GOLGA3: variants seen among roughly 807,000 people sequenced by gnomAD.
The protein encoded by GOLGA3 is golgin subfamily A member 3.
Under a neutral mutation model 169.4 loss-of-function variants are expected in GOLGA3, and 75 were observed. The ratio of observed to expected loss-of-function variants is 0.44; its 90% CI spans 0.37 to 0.54. The LOEUF (loss-of-function observed/expected upper bound fraction) is 0.54, where lower values mean the gene tolerates loss of function less well. Among genes scored for constraint, GOLGA3 ranks in the 20% least tolerant of loss-of-function variants. The pLI is 0.00. For synonymous variants in GOLGA3, 824 were observed against 822.4 expected (o/e 1.00, Z -0.03); for missense variants, 1,899 against 1,930.0 (o/e 0.98, Z 0.30).
Position 132,816,776 on chromosome 12 carries a change from C to G in GOLGA3, c.170G>C (p.Ser57Thr). ...GCCTCCCTGGCCAGGTCCATCCGGG[C>G]TTTCCCCTTCCGTGGATGCTCTGTT... Reference protein sequence around the residue: ...EVNRASTEGESPDGPGQGGLC... With the variant: ...EVNRASTEGETPDGPGQGGLC... Residue 57 changes from serine to threonine, a missense_variant, in exon 3 of 24, where the codon AGC becomes ACC. Transcript: ENST00000450791. 6.2e-7 allele frequency: 1 copy of G among 1,607,622 alleles called. No individual in the cohort carries two copies.
chr12:132,822,568 G>A (rs959865742), intron 1 of GOLGA3, among the ~76,000 whole-genome samples: 5 of 152,318 alleles, frequency 3.3e-5, no homozygotes, highest in Middle Eastern at 3.4e-3. Context: ...CTGGGACAGC[G>A]CAGCTCTGAA....
At chr12:132,813,914 C>T (rs1389277595) in intron 3 of GOLGA3, among the ~76,000 whole-genome samples, 1 of 151,542 alleles carries the variant, frequency 6.6e-6, no homozygotes, top group East Asian at 1.9e-4. Flanking sequence ...TTAGTAGAGA[C>T]GGGGTTTCAC....
chr12:132,777,115 G>C lies in GOLGA3; in HGVS notation c.3723-25C>G. ...CCTAGCGTAAAAAAACAAGAAAGAAGGGAATCGCCACGCTCCTCCAGTGTG... is the reference window on the plus strand; with the variant it reads ...CCTAGCGTAAAAAAACAAGAAAGAACGGAATCGCCACGCTCCTCCAGTGTG... On this transcript the variant is annotated intron_variant, in intron 19 of 23. Transcript: ENST00000450791. The surrounding 1 kb of genome is among the most constrained non-coding windows in gnomAD (Gnocchi z 4.7). 6.4e-7 allele frequency: 1 copy of C among 1,561,892 alleles called. No individual in the cohort carries two copies.
Position 132,773,227 on chromosome 12 carries a change from A to T in GOLGA3, c.4375T>A (p.Ser1459Thr). Reference protein sequence around the residue: ...HALTVHESLSSWTPLEPATAS... With the variant: ...HALTVHESLSTWTPLEPATAS... ...GTGGCTGGCTCCAGCGGCGTCCACG[A>T]GGACAGAGACTCGTGCACCGTCAGG... The change falls in exon 24 of 24, where the codon TCG becomes ACG. Residue 1459 changes from serine to threonine, a missense_variant. Physicochemically the swap from Ser to Thr is moderately conservative, Grantham distance 58 (BLOSUM62 1). Coordinates refer to ENST00000450791, the MANE Select transcript of GOLGA3 (RefSeq NM_001389683.1). 6.4e-7 allele frequency: 1 copy of T among 1,568,414 alleles called. No individual in the cohort carries two copies. The highest frequency in any genetic ancestry group is 8.7e-7 in the Non-Finnish European group (1 of 1,153,686).
intron 17 of GOLGA3, among the ~76,000 whole-genome samples, chr12:132,781,237 A>C: frequency 6.6e-6 from 1 of 150,484 alleles, no homozygotes. Flanking sequence ...ACTGCCCTCC[A>C]CTCCGGGCAA....
rs771527252 is a variant in GOLGA3 at position 132,796,061 on chromosome 12, G to C, written c.2260C>G (p.Leu754Val). The C allele has an allele frequency of 2.5e-6, 4 of 1,612,674 alleles. No homozygotes were observed. The highest frequency in any genetic ancestry group is 3.4e-6 in the Non-Finnish European group (4 of 1,179,954). Residue 754 changes from leucine (L) to valine (V), a missense_variant, in exon 11 of 24, where the codon CTG (leucine) becomes GTG (valine). By Grantham distance (32) the Leu-to-Val change is conservative. Transcript: ENST00000450791. ...QTHYDELQAR[L>V]GELQGEAASR... ...GCGGCCTCGCCCTGCAGCTCCCCCA[G>C]CCTGGCCTGCAGCTCATCGTAGTGT...
Position 132,791,154 on chromosome 12 carries a change from A to C in GOLGA3, c.2547+62T>G, listed in dbSNP as rs2046211246. 22 of 858,092 alleles carry C rather than the reference A, an allele frequency of 2.6e-5. 1 individual carries two copies. In the Admixed American group the frequency reaches 3.9e-4, roughly 15 times the overall value. 53.2% of individuals were successfully genotyped at this position (858,092 alleles called of 1,614,324 possible). A position where few individuals can be genotyped will look rare whatever the true frequency, so the allele number is the denominator to read the frequency against. On this transcript the variant is annotated intron_variant, in intron 12 of 23. Coordinates refer to ENST00000450791, the MANE Select transcript of GOLGA3 (RefSeq NM_001389683.1). ...TGACATTGGAATTGCTAAGCAATTA[A>C]ACCACAGAAAACTCTGTTCATATGC... is the stretch of plus-strand genomic sequence containing the variant.
chr12:132,805,111 C>G (rs1949326819), intron 6 of GOLGA3, 89 bp from the exon 7 acceptor site: 1 of 1,389,936 alleles, frequency 7.2e-7, no homozygotes, highest in Non-Finnish European at 9.7e-7. Context: ...GCGAGTCAGT[C>G]AGGGCCTGAC....
intron 1 of GOLGA3, among the ~76,000 whole-genome samples, chr12:132,823,840 T>TG (rs774710350): frequency 2.2e-4 from 33 of 149,170 alleles, no homozygotes; most frequent in Non-Finnish European, 4.7e-4. Flanking sequence ...CCCATAACTT[T>TG]GGGGGGTCAA....
intron 17 of GOLGA3, 137 bp downstream of exon 17, chr12:132,782,159 G>A (rs1344274506): frequency 2.4e-6 from 2 of 832,868 alleles, no homozygotes; most frequent in South Asian, 1.5e-5. Flanking sequence ...CCGGACTCCT[G>A]AGCCTGTTCT....
intron 1 of GOLGA3, among the ~76,000 whole-genome samples, chr12:132,823,631 C>A (rs993151604): frequency 2.6e-5 from 4 of 151,810 alleles, no homozygotes; most frequent in Admixed American, 2.6e-4. Context: ...ACTAAAAATA[C>A]AAAAAACTAG....
At chr12:132,815,472 T>C (rs1311289198) in intron 3 of GOLGA3, among the ~76,000 whole-genome samples, 1 of 152,278 alleles carries the variant, frequency 6.6e-6, no homozygotes, top group Non-Finnish European at 1.5e-5. Context: ...CTTTTTTACA[T>C]GCTACTTCTC....
chr12:132,789,780 T>C (rs2046124874), intron 12 of GOLGA3, among the ~76,000 whole-genome samples: 1 of 152,124 alleles, frequency 6.6e-6, no homozygotes, highest in South Asian at 2.1e-4. Flanking sequence ...ACACTTGTAA[T>C]CCCAGCACTC....
rs1487804407 is a variant in GOLGA3, at chr12:132,769,379, G to T, written c.*3726C>A. The T allele has an allele frequency of 6.6e-6, 1 of 152,232 alleles. No individual in the cohort carries two copies. Among genetic ancestry groups the T allele is most frequent in the Non-Finnish European group, 1.5e-5 (1 of 68,050 alleles). 9.4% of individuals were successfully genotyped at this position (152,232 alleles called of 1,614,324 possible). On this transcript the variant is annotated 3_prime_UTR_variant, in exon 24 of 24. Transcript: ENST00000450791. ...GACCTCAGGGAACTAGAACTCGGTTGTGGGAACCCTGCACCAAGGAGAGTT... is the reference window on the plus strand; with the variant it reads ...GACCTCAGGGAACTAGAACTCGGTTTTGGGAACCCTGCACCAAGGAGAGTT...
At chr12:132,825,237 C>T (rs865818140) in intron 1 of GOLGA3, among the ~76,000 whole-genome samples, 4 of 151,880 alleles carry the variant, frequency 2.6e-5, no homozygotes, top group African/African-American at 7.3e-5. Flanking sequence ...GTAAAGGAAC[C>T]GACGGTGTGT....
At chr12:132,802,226 A>C (rs893311642) in intron 7 of GOLGA3, among the ~76,000 whole-genome samples, 1 of 152,270 alleles carries the variant, frequency 6.6e-6, no homozygotes, top group African/African-American at 2.4e-5. Flanking sequence ...GCTCATCAAT[A>C]CATAACCTCT....
At chr12:132,795,735 T>C in intron 11 of GOLGA3, 117 bp downstream of exon 11, 1 of 1,154,170 alleles carries the variant, frequency 8.7e-7, no homozygotes, top group Non-Finnish European at 1.2e-6. Context: ...CACTCCAGCC[T>C]GGGCAACACA....
chr12:132,786,238 G>T, intron 15 of GOLGA3, 101 bp downstream of exon 15: 2 of 786,358 alleles, frequency 2.5e-6, no homozygotes, highest in Non-Finnish European at 4.1e-6. Context: ...TCCCACGCGA[G>T]CTCGGCCCCG....
Position 132,804,674 on chromosome 12 carries a change from G to T in GOLGA3, c.1597+42C>A. On this transcript the variant is annotated intron_variant, in intron 7 of 23. Coordinates refer to ENST00000450791, the MANE Select transcript of GOLGA3 (RefSeq NM_001389683.1). The surrounding 1 kb of genome is among the most constrained non-coding windows in gnomAD (Gnocchi z 4.1). ...CGAGGAAGGAGGAGGGAGCAGCAGG[G>T]ACCAGTCAGGGAGGGGAGGGCGTGG... The T allele has an allele frequency of 6.6e-7, 1 of 1,509,866 alleles. No homozygotes were observed. The highest frequency in any genetic ancestry group is 9.1e-7 in the Non-Finnish European group (1 of 1,097,120). 93.5% of individuals were successfully genotyped at this position (1,509,866 alleles called of 1,614,324 possible). A position where few individuals can be genotyped will look rare whatever the true frequency, so the allele number is the denominator to read the frequency against.
Sources: gnomAD v4.1 joint callset for allele counts (sites outside exome capture counted in the v4.1 genomes callset) on GRCh38, gnomAD v4.1.1 for gene constraint, Gnocchi (gnomAD v3.1) non-coding constraint, MANE v1.5 for transcripts, NCBI Gene and HGNC (gene_info 2026-07-23, HGNC 2026-07-21) for gene names.